The following ADAMTSL1 variants were observed in gnomAD, a reference collection of about 807,000 sequenced individuals.
ADAMTSL1 encodes ADAMTS-like protein 1.
Under a neutral mutation model 201.8 loss-of-function variants are expected in ADAMTSL1, and 126 were observed. That is an observed-to-expected ratio of 0.62 (90% confidence interval 0.54 to 0.72). The LOEUF is 0.72. ADAMTSL1 is among the 30% of genes least tolerant of loss of function. The pLI is 0.00. For missense variants in ADAMTSL1, 2,679 were observed against 2,277.8 expected (o/e 1.18, Z -3.59); for synonymous variants, 1,121 against 903.4 (o/e 1.24, Z -4.32).
chr9:18,731,539 G>C (rs1056032665), intron 15 of ADAMTSL1, among the ~76,000 whole-genome samples: 1 of 152,154 alleles, frequency 6.6e-6, no homozygotes, highest in African/African-American at 2.4e-5. Context: ...ACCGAGGTGG[G>C]AGGATCACTT....
At chr9:18,872,430 C>G (rs948515793) in intron 23 of ADAMTSL1, among the ~76,000 whole-genome samples, 1 of 152,046 alleles carries the variant, frequency 6.6e-6, no homozygotes, top group Non-Finnish European at 1.5e-5. Flanking sequence ...TTTGGTGCAC[C>G]CATCACCCAA....
intron 23 of ADAMTSL1, among the ~76,000 whole-genome samples, chr9:18,856,858 A>C (rs894582146): frequency 7.9e-5 from 12 of 152,156 alleles, no homozygotes; most frequent in South Asian, 2.1e-4. Context: ...TAATGGATAG[A>C]CAAGACACTT....
intron 23 of ADAMTSL1, among the ~76,000 whole-genome samples, chr9:18,855,095 A>G (rs1826756590): frequency 6.6e-6 from 1 of 152,154 alleles, no homozygotes; most frequent in East Asian, 1.9e-4. Flanking sequence ...TATCTTGACC[A>G]TCACAGAGCT....
At chr9:17,987,534 T>G (rs1317063457) in intron 1 of ADAMTSL1, among the ~76,000 whole-genome samples, 1 of 151,854 alleles carries the variant, frequency 6.6e-6, no homozygotes, top group Non-Finnish European at 1.5e-5. Context: ...CGTTTTGGAC[T>G]TTTAGTCTTA....
chr9:18,226,090 A>G (rs1830427311), intron 2 of ADAMTSL1, among the ~76,000 whole-genome samples: 1 of 152,184 alleles, frequency 6.6e-6, no homozygotes. Context: ...TTCTTTAGTC[A>G]TGCCTGCTTT....
At chr9:18,360,642 T>A (rs1563912045) in intron 2 of ADAMTSL1, 1 of 152,164 alleles carries the variant, frequency 6.6e-6, no homozygotes, top group East Asian at 1.9e-4. Context: ...CTCTTCAAAG[T>A]GGGGCAGTTG....
At chr9:17,974,025 G>C (rs1818331061) in intron 1 of ADAMTSL1, among the ~76,000 whole-genome samples, 1 of 151,966 alleles carries the variant, frequency 6.6e-6, no homozygotes, top group Non-Finnish European at 1.5e-5. Context: ...TATATCCTGA[G>C]ACTTCGACAA....
At chr9:18,058,165 A>C (rs1822280852) in intron 1 of ADAMTSL1, among the ~76,000 whole-genome samples, 1 of 152,246 alleles carries the variant, frequency 6.6e-6, no homozygotes, top group Non-Finnish European at 1.5e-5. Flanking sequence ...GAAAGAATGC[A>C]AGAGTATTTT....
intron 2 of ADAMTSL1, among the ~76,000 whole-genome samples, chr9:18,276,313 T>G (rs1832586710): frequency 6.6e-6 from 1 of 152,230 alleles, no homozygotes; most frequent in African/African-American, 2.4e-5. Flanking sequence ...TCCATATTAT[T>G]AATGGTATTT....
intron 1 of ADAMTSL1, among the ~76,000 whole-genome samples, chr9:17,996,695 G>C (rs1819396025): frequency 6.6e-6 from 1 of 151,744 alleles, no homozygotes; most frequent in South Asian, 2.1e-4. Flanking sequence ...CCCTCCCTCA[G>C]TTGCCCAACC....
chr9:18,145,683 G>A (rs1400423117), intron 1 of ADAMTSL1, among the ~76,000 whole-genome samples: 1 of 152,090 alleles, frequency 6.6e-6, no homozygotes, highest in Non-Finnish European at 1.5e-5. Flanking sequence ...AAAACCTTGA[G>A]TTTGGTGATG....
chr9:18,843,395 G>A (rs960557823), intron 23 of ADAMTSL1, among the ~76,000 whole-genome samples: 6 of 150,968 alleles, frequency 4.0e-5, no homozygotes, highest in Admixed American at 1.3e-4. Context: ...AGTTTCTGCC[G>A]AGAGATCCGC....
chr9:18,722,818 A>G (rs138411784), intron 15 of ADAMTSL1, among the ~76,000 whole-genome samples: 12 of 152,236 alleles, frequency 7.9e-5, no homozygotes, highest in African/African-American at 2.9e-4. Context: ...GAAGCACCCA[A>G]CCCATGAGAA....
intron 1 of ADAMTSL1, among the ~76,000 whole-genome samples, chr9:18,028,889 A>G (rs1820812966): frequency 6.6e-6 from 1 of 152,180 alleles, no homozygotes; most frequent in Non-Finnish European, 1.5e-5. Context: ...CTTCCTACCC[A>G]TGAGCATGGA....
At chr9:18,263,119 C>T (rs1435957488) in intron 2 of ADAMTSL1, among the ~76,000 whole-genome samples, 1 of 152,040 alleles carries the variant, frequency 6.6e-6, no homozygotes, top group East Asian at 1.9e-4. Flanking sequence ...CATCACAGGC[C>T]CTAGCACAAT....
intron 1 of ADAMTSL1, among the ~76,000 whole-genome samples, chr9:17,943,913 C>T (rs1371749503): frequency 6.6e-6 from 1 of 151,948 alleles, no homozygotes; most frequent in Admixed American, 6.6e-5. Context: ...TGAACAGGCA[C>T]ATTACATGGC....
intron 2 of ADAMTSL1, among the ~76,000 whole-genome samples, chr9:18,433,806 C>T (rs562270443): frequency 6.6e-6 from 1 of 152,258 alleles, no homozygotes; most frequent in African/African-American, 2.4e-5. Flanking sequence ...CAAAATGACT[C>T]ATAAAATTGT....
intron 1 of ADAMTSL1, among the ~76,000 whole-genome samples, chr9:18,484,215 G>T (rs186704797): frequency 5.3e-4 from 81 of 152,254 alleles, no homozygotes; most frequent in African/African-American, 1.9e-3. Context: ...ATAGAATGTC[G>T]GTAAGGATTT....
At position 18,416,736 on chromosome 9, in the gene ADAMTSL1, T is replaced by C. The variant is rs557910203; in HGVS notation, c.208-88093T>C. On this transcript the variant is annotated intron_variant, in intron 2 of 29. Coordinates refer to the ADAMTSL1 transcript ENST00000680146. ...ATACATTAGGAGAACATAACAATTC[T>C]ACTAATCCACATATTTTTAAAAGAG... Among the ~76,000 whole-genome samples, 8 of 152,172 alleles carry C rather than the reference T, an allele frequency of 5.3e-5. No homozygotes were observed. The East Asian group carries it at 1.5e-3, about 29-fold the overall frequency.
Sources: gnomAD v4.1 joint callset for allele counts (sites outside exome capture counted in the v4.1 genomes callset) on GRCh38, gnomAD v4.1.1 for gene constraint, MANE v1.5 for transcripts, NCBI Gene and HGNC (gene_info 2026-07-23, HGNC 2026-07-21) for gene names.